LRRC7: variants seen among roughly 807,000 people sequenced by gnomAD.
LRRC7 encodes the protein leucine-rich repeat-containing protein 7.
LRRC7 carries 23 observed loss-of-function variants against 175.7 expected under a neutral mutation model. The observed-to-expected ratio is 0.13, with a 90% CI of 0.09 to 0.19. The LOEUF (loss-of-function observed/expected upper bound fraction) is 0.19. LRRC7 is among the 10% of genes least tolerant of loss of function. The pLI is 1.00. For synonymous variants in LRRC7, 685 were observed against 680.9 expected, an observed-to-expected ratio of 1.01 and a Z score of -0.09; for missense variants, 1,354 against 1,904.7, an observed-to-expected ratio of 0.71 and a Z score of 5.38.
chr1:69,911,480 A>G (rs1646528905), intron 7 of LRRC7, among the ~76,000 whole-genome samples: 1 of 152,140 alleles, frequency 6.6e-6, no homozygotes, highest in Non-Finnish European at 1.5e-5. Flanking sequence ...TCTGACTTTT[A>G]GTAATAGCCA....
intron 3 of LRRC7, among the ~76,000 whole-genome samples, chr1:69,778,654 A>G (rs1673093648): frequency 6.6e-6 from 1 of 152,098 alleles, no homozygotes; most frequent in African/African-American, 2.4e-5. Context: ...AACTAGCTCA[A>G]TAATGTGGCT....
In LRRC7 at chr1:70,016,340, C is replaced by G. The variant is rs113340334; in HGVS notation, c.1251-125C>G. 14 of 563,230 alleles carry G rather than the reference C, an allele frequency of 2.5e-5. 1 individual carries two copies. Among genetic ancestry groups the G allele is most frequent in the African/African-American group, 1.5e-4 (8 of 52,188 alleles). The allele number at this position is 563,230 out of a possible 1,614,324, so 34.9% of individuals were successfully genotyped here. A position where few individuals can be genotyped will look rare whatever the true frequency, so the allele number is the denominator to read the frequency against. ...TTCATTTTTTTAAATATTGTTCAGG[C>G]TGCTCAATGGAGAAGGGATTCAAGA... On this transcript the variant is annotated intron_variant, in intron 13 of 26. Coordinates refer to ENST00000651989, the MANE Select transcript of LRRC7 (RefSeq NM_001370785.2).
chr1:69,636,434 C>T (rs1221177153), intron 1 of LRRC7, among the ~76,000 whole-genome samples: 1 of 151,724 alleles, frequency 6.6e-6, no homozygotes, highest in Non-Finnish European at 1.5e-5. Context: ...GACACACACA[C>T]ACACACACAC....
chr1:69,719,731 G>A (rs528505700), intron 2 of LRRC7, among the ~76,000 whole-genome samples: 1 of 151,580 alleles, frequency 6.6e-6, no homozygotes, highest in South Asian at 2.1e-4. Context: ...AATAATTCAT[G>A]TATATTGTAA....
intron 8 of LRRC7, among the ~76,000 whole-genome samples, chr1:69,971,080 G>A (rs184487939): frequency 3.0e-4 from 45 of 152,060 alleles, no homozygotes; most frequent in Middle Eastern, 3.4e-3. Flanking sequence ...ATCCAGCATC[G>A]TTTTTGATTA....
At chr1:69,911,127 A>G (rs1039131880) in intron 7 of LRRC7, among the ~76,000 whole-genome samples, 1 of 152,008 alleles carries the variant, frequency 6.6e-6, no homozygotes, top group Non-Finnish European at 1.5e-5. Flanking sequence ...AGGAAAGGGA[A>G]CTCCCTGACC....
chr1:69,795,307 G>A (rs1232202027), intron 4 of LRRC7, among the ~76,000 whole-genome samples: 2 of 151,676 alleles, frequency 1.3e-5, no homozygotes, highest in Non-Finnish European at 2.9e-5. Flanking sequence ...TTGAACCTGG[G>A]AGGCGGAGGT....
At chr1:69,740,578 T>C (rs891843428) in intron 2 of LRRC7, among the ~76,000 whole-genome samples, 1 of 151,948 alleles carries the variant, frequency 6.6e-6, no homozygotes, top group African/African-American at 2.4e-5. Flanking sequence ...AAAAGGAAAG[T>C]GAGTTACAGA....
At chr1:69,806,737 GT>G (rs2101118545) in intron 4 of LRRC7, among the ~76,000 whole-genome samples, 1 of 152,054 alleles carries the variant, frequency 6.6e-6, no homozygotes, top group Non-Finnish European at 1.5e-5. Flanking sequence ...GTTGACTTGA[GT>G]TCATTATGAG....
chr1:69,754,416 A>G (rs1670180469), intron 2 of LRRC7, among the ~76,000 whole-genome samples: 1 of 152,008 alleles, frequency 6.6e-6, no homozygotes, highest in Admixed American at 6.6e-5. Flanking sequence ...AAATGTGGAA[A>G]GTGAGAGAAT....
intron 17 of LRRC7, among the ~76,000 whole-genome samples, chr1:70,025,033 C>G (rs1331380752): frequency 1.3e-5 from 2 of 152,022 alleles, no homozygotes; most frequent in Admixed American, 6.6e-5. Flanking sequence ...TGCACCCACA[C>G]TCTGAGCTAA....
intron 7 of LRRC7, chr1:69,874,121 G>A (rs1248404250): frequency 6.6e-6 from 1 of 152,010 alleles, no homozygotes; most frequent in East Asian, 1.9e-4. Flanking sequence ...TTGATTTTAT[G>A]TATCCTTTCA....
At chr1:69,907,272 C>T (rs1448553947) in intron 7 of LRRC7, among the ~76,000 whole-genome samples, 1 of 152,130 alleles carries the variant, frequency 6.6e-6, no homozygotes, top group South Asian at 2.1e-4. Flanking sequence ...TGCCTAATTG[C>T]CCTGGCCAGA....
chr1:70,046,847 A>G (rs1660369582), intron 22 of LRRC7, among the ~76,000 whole-genome samples: 2 of 152,076 alleles, frequency 1.3e-5, no homozygotes, highest in African/African-American at 4.8e-5. Flanking sequence ...GCCACACTCT[A>G]GAGTCAAACT....
chr1:69,938,254 T>G (rs1648256828), intron 8 of LRRC7, among the ~76,000 whole-genome samples: 1 of 152,024 alleles, frequency 6.6e-6, no homozygotes. Flanking sequence ...ATAAAAACAT[T>G]TCATAAATTC....
chr1:69,953,439 CT>C (rs911884164), intron 8 of LRRC7, among the ~76,000 whole-genome samples: 6 of 151,974 alleles, frequency 3.9e-5, no homozygotes, highest in South Asian at 2.1e-4. Context: ...TTATTTTTGC[CT>C]TATGTCTTAG....
At chr1:69,788,063 C>T (rs561121694) in intron 3 of LRRC7, among the ~76,000 whole-genome samples, 2 of 152,110 alleles carry the variant, frequency 1.3e-5, no homozygotes, top group East Asian at 3.9e-4. Context: ...ACATGTATCC[C>T]CTGCTAAATC....
At chr1:69,894,962 C>T (rs1386660317) in intron 7 of LRRC7, among the ~76,000 whole-genome samples, 2 of 152,174 alleles carry the variant, frequency 1.3e-5, no homozygotes, top group African/African-American at 2.4e-5. Flanking sequence ...GGGCGTGGCT[C>T]ACACCTGTAA....
intron 7 of LRRC7, among the ~76,000 whole-genome samples, chr1:69,904,632 T>C (rs1188744189): frequency 2.0e-5 from 3 of 152,216 alleles, no homozygotes; most frequent in Admixed American, 1.3e-4. Flanking sequence ...TTTTAACTTA[T>C]TTAAATGCAC....
Sources: gnomAD v4.1 joint callset for allele counts (sites outside exome capture counted in the v4.1 genomes callset) on GRCh38, gnomAD v4.1.1 for gene constraint, MANE v1.5 for transcripts, NCBI Gene and HGNC (gene_info 2026-07-23, HGNC 2026-07-21) for gene names.